The following SP7 variants were observed in gnomAD, a reference collection of about 807,000 sequenced individuals.
SP7 encodes the protein Sp7 transcription factor.
Under a neutral mutation model 27.9 loss-of-function variants are expected in SP7, and 13 were observed. That is an observed-to-expected ratio of 0.47 (90% confidence interval 0.30 to 0.74). SP7 has a LOEUF of 0.74. Ranked by LOEUF, SP7 falls within the 30% of genes least tolerant of loss-of-function variation. The probability of loss-of-function intolerance (pLI) is 0.06; values close to 1 mark genes in which losing one functional copy is unlikely to be tolerated. For missense variants in SP7, 525 were observed against 558.0 expected (o/e 0.94, Z 0.60); for synonymous variants, 219 against 226.7 (o/e 0.97, Z 0.31).
chr12:53,341,864 T>C (rs1944825320), intron 1 of SP7, among the ~76,000 whole-genome samples: 1 of 151,998 alleles, frequency 6.6e-6, no homozygotes, highest in Non-Finnish European at 1.5e-5. Flanking sequence ...ATCGAGACCA[T>C]CCTGGCTAAC....
chr12:53,335,811 G>A (rs1944763931), intron 1 of SP7, 118 bp from the exon 2 acceptor site: 2 of 1,416,114 alleles, frequency 1.4e-6, no homozygotes, highest in Non-Finnish European at 1.8e-6. Context: ...CTCTCTGTCT[G>A]TAGGGATCCA....
chr12:53,336,580 CATGA>C (rs1400243670), upstream of SP7, among the ~76,000 whole-genome samples: 3 of 152,094 alleles, frequency 2.0e-5, no homozygotes, highest in Non-Finnish European at 4.4e-5. Context: ...CAGCCACTAT[CATGA>C]ATGAACACAG....
In SP7 at chr12:53,329,225, C is replaced by T. The variant is rs778362698; in HGVS notation, c.217G>A (p.Gly73Arg). The T allele has an allele frequency of 7.4e-6, 12 of 1,613,608 alleles. No homozygotes were observed. The highest frequency in any genetic ancestry group is 1.1e-5 in the South Asian group (1 of 91,068). Residue 73 changes from glycine (G) to arginine (R), a missense_variant, in exon 3 of 3, where the codon GGG becomes AGG. Coordinates refer to ENST00000536324, the MANE Select transcript of SP7 (RefSeq NM_001173467.3). ...GGACTGCCTGCAGGTGAAAGGAGCC[C>T]ATTAGTGCTTGTAAAGGGGGCTGGA... ...AYPAPFTSTN[G>R]LLSPAGSPPA...
Position 53,328,883 on chromosome 12 carries a change from C to G in SP7, c.559G>C (p.Ala187Pro), listed in dbSNP as rs1258165160. The G allele has an allele frequency of 6.2e-7, 1 of 1,610,008 alleles. No homozygotes were observed. The highest frequency in any genetic ancestry group is 8.5e-7 in the Non-Finnish European group (1 of 1,177,144). Residue 187 changes from alanine to proline, a missense_variant, in exon 3 of 3, where the codon GCT becomes CCT. By Grantham distance (27) the Ala-to-Pro change is conservative. Transcript: ENST00000536324. The surrounding 1 kb of genome is among the most constrained non-coding windows in gnomAD (Gnocchi z 5.1). ...AGCTGGGGGTTCAGTGGAGGCTGAG[C>G]TGGACCTGTGGGCAGTGTCCCTTGC... is the stretch of plus-strand genomic sequence containing the variant. Reference protein sequence around the residue: ...GLQGTLPTGPAQPPLNPQLPT... With the variant: ...GLQGTLPTGPPQPPLNPQLPT...
In SP7 at chr12:53,326,961, C is replaced by G. The variant is rs1417331923; in HGVS notation, c.*1185G>C. ...TATTTGAATCTGATCCTAGAGAAAG[C>G]CTTCCCCACCCATTCTTCAGGAGGT... On this transcript the variant is annotated 3_prime_UTR_variant, in exon 3 of 3. Coordinates refer to ENST00000536324, the MANE Select transcript of SP7 (RefSeq NM_001173467.3). 6.6e-6 allele frequency: 1 copy of G among 152,184 alleles called. No individual in the cohort carries two copies. Among genetic ancestry groups the G allele is most frequent in the African/African-American group, 2.4e-5 (1 of 41,424 alleles). 9.4% of individuals were successfully genotyped at this position (152,184 alleles called of 1,614,324 possible).
In SP7 at chr12:53,344,589, C is replaced by G. The variant is rs1422303036; in HGVS notation, c.-34+525G>C. 6.6e-6 allele frequency among the ~76,000 whole-genome samples: 1 copy of G among 152,308 alleles called. No individual in the cohort carries two copies. The highest frequency in any genetic ancestry group is 2.1e-4 in the South Asian group (1 of 4,828). Reference sequence around the variant, plus strand: ...CGCTGTTCAATGCCCCCATCCACCCCCACCTCGCGTGGACGTGTGAGGCAA... The same window carrying G: ...CGCTGTTCAATGCCCCCATCCACCCGCACCTCGCGTGGACGTGTGAGGCAA... On this transcript the variant is annotated intron_variant, in intron 1 of 1. Coordinates refer to the SP7 transcript ENST00000547755. The surrounding 1 kb of genome is among the most constrained non-coding windows in gnomAD (Gnocchi z 4.6).
In SP7 at chr12:53,335,335, A is replaced by G. The variant is rs1273672404; in HGVS notation, c.21+291T>C. 3.8e-5 allele frequency among the ~76,000 whole-genome samples: 5 copies of G among 129,902 alleles called. No individual in the cohort carries two copies. In the East Asian group the frequency reaches 1.1e-3, roughly 28 times the overall value. The allele number at this position is 129,902 out of a possible 152,430, so 85.2% of individuals were successfully genotyped here. On this transcript the variant is annotated intron_variant, in intron 2 of 2. Coordinates refer to ENST00000536324, the MANE Select transcript of SP7 (RefSeq NM_001173467.3). The stretch of plus-strand genomic sequence containing the variant: ...TTTCTCCATCGCTTTTCCACTCCTC[A>G]CAGTCAGTGTGCTTAGCTGACCTTA...
intron 1 of SP7, among the ~76,000 whole-genome samples, chr12:53,342,263 A>G (rs1221300787): frequency 1.3e-5 from 2 of 151,996 alleles, no homozygotes; most frequent in Non-Finnish European, 2.9e-5. Flanking sequence ...CTCCATTTAA[A>G]AAAAAAAAAA....
At chr12:53,343,383 C>T (rs920227507) in intron 1 of SP7, among the ~76,000 whole-genome samples, 1 of 152,048 alleles carries the variant, frequency 6.6e-6, no homozygotes, top group African/African-American at 2.4e-5. Flanking sequence ...TGAGAATACT[C>T]GTATATTAGA....
chr12:53,343,486 T>G (rs1020948418), intron 1 of SP7, among the ~76,000 whole-genome samples: 2 of 152,124 alleles, frequency 1.3e-5, no homozygotes, highest in Non-Finnish European at 2.9e-5. Flanking sequence ...CAAGCTTGGG[T>G]GAGCTATTTA....
At position 53,330,235 on chromosome 12, in the gene SP7, C is replaced by T. The variant is rs185204680; in HGVS notation, c.22-815G>A. On this transcript the variant is annotated intron_variant, in intron 2 of 2. Coordinates refer to ENST00000536324, the MANE Select transcript of SP7 (RefSeq NM_001173467.3). ...AGCTATTTTGTATTTTTAGTACAGA[C>T]GCAGTTTCACCATGTTGGCCAGGCT... Among the ~76,000 whole-genome samples the T allele has an allele frequency of 3.3e-3, 495 of 152,068 alleles. 1 individual carries two copies. Among genetic ancestry groups the T allele is most frequent in the Non-Finnish European group, 4.8e-3 (324 of 67,982 alleles).
chr12:53,328,768 G>T lies in SP7; in HGVS notation c.674C>A (p.Pro225His), dbSNP rs756553830. 1 of 1,602,246 alleles carries T rather than the reference G, an allele frequency of 6.2e-7. No individual in the cohort carries two copies. Among genetic ancestry groups the T allele is most frequent in the Non-Finnish European group, 8.5e-7 (1 of 1,171,306 alleles). Residue 225 changes from proline to histidine, a missense_variant, in exon 3 of 3, where the codon CCC (proline) becomes CAC (histidine). By Grantham distance (77) the Pro-to-His change is moderately conservative. Transcript: ENST00000536324. The surrounding 1 kb of genome is among the most constrained non-coding windows in gnomAD (Gnocchi z 5.1). ...LLQPGPQHVLPQDVYKPKAVG... is the reference protein window; with the variant it reads ...LLQPGPQHVLHQDVYKPKAVG... ...TGCCTTGGGTTTATAGACATCTTGG[G>T]GCAAGACATGCTGGGGCCCTGGTTG...
chr12:53,342,364 ACATTCTTT>A (rs1944831611), intron 1 of SP7, among the ~76,000 whole-genome samples: 1 of 152,240 alleles, frequency 6.6e-6, no homozygotes, highest in Non-Finnish European at 1.5e-5. Context: ...AACTTAAAGA[ACATTCTTT>A]CATTCAACAA....
chr12:53,342,045 G>A (rs1301114126), intron 1 of SP7, among the ~76,000 whole-genome samples: 6 of 139,306 alleles, frequency 4.3e-5, no homozygotes, highest in Non-Finnish European at 7.7e-5. Context: ...GCGACAGAGC[G>A]AGACTCCGTC....
Position 53,327,740 on chromosome 12 carries a change from TG to T in SP7, c.*405del, listed in dbSNP as rs1265354116. 4.0e-5 allele frequency: 8 copies of T among 198,856 alleles called. No homozygotes were observed. The highest frequency in any genetic ancestry group is 8.1e-5 in the Non-Finnish European group (8 of 98,248). The allele number at this position is 198,856 out of a possible 1,614,324, so 12.3% of individuals were successfully genotyped here. A position where few individuals can be genotyped will look rare whatever the true frequency, so the allele number is the denominator to read the frequency against. On this transcript the variant is annotated 3_prime_UTR_variant, in exon 3 of 3. Transcript: ENST00000536324. Reference sequence around the variant, plus strand: ...AATGGAAAGCAATGGTGTAAGAAGTTGGGAAGACTGAAGCCTGGAGGCTGAG... The same window carrying T: ...AATGGAAAGCAATGGTGTAAGAAGTTGGAAGACTGAAGCCTGGAGGCTGAG...
chr12:53,329,408 A>G lies in SP7; in HGVS notation c.34T>C (p.Tyr12His). The G allele has an allele frequency of 6.2e-7, 1 of 1,613,840 alleles. No homozygotes were observed. The highest frequency in any genetic ancestry group is 8.5e-7 in the Non-Finnish European group (1 of 1,179,750). ...ASSLLEEEVH[Y>H]GSSPLAMLTA... Reference sequence around the variant, plus strand: ...AGCATGGCCAGGGGACTGGAGCCATAGTGAACTTCCTCCTGTGGAAAGAGG... The same window carrying G: ...AGCATGGCCAGGGGACTGGAGCCATGGTGAACTTCCTCCTGTGGAAAGAGG... The change falls in exon 3 of 3, where the codon TAT (tyrosine) becomes CAT (histidine). Residue 12 changes from tyrosine (Y) to histidine (H), a missense_variant. Tyr to His is a moderately conservative substitution (Grantham distance 83). Transcript: ENST00000536324.
chr12:53,337,310 T>C (rs1944781651), upstream of SP7, among the ~76,000 whole-genome samples: 1 of 152,108 alleles, frequency 6.6e-6, no homozygotes, highest in African/African-American at 2.4e-5. Flanking sequence ...TAGAACTTAA[T>C]AAGGACTTCC....
chr12:53,329,040 G>A lies in SP7; in HGVS notation c.402C>T (p.Pro134=). 3.1e-6 allele frequency: 5 copies of A among 1,613,868 alleles called. No homozygotes were observed. Among genetic ancestry groups the A allele is most frequent in the Non-Finnish European group, 4.2e-6 (5 of 1,179,864 alleles). The change falls in exon 3 of 3, where the codon CCC becomes CCT. Residue 134 remains proline, a synonymous_variant. Transcript: ENST00000536324. ...SVYTSLDMTH[P]YGSWYKAGIH... is the part of the protein sequence containing the mutation. ...TGCCTGCCTTGTACCAGGAGCCATA[G>A]GGGTGTGTCATGTCCAGAGAGGTGT... is the stretch of plus-strand genomic sequence containing the variant.
At chr12:53,332,755 A>C (rs1461659318) in intron 2 of SP7, among the ~76,000 whole-genome samples, 1 of 152,126 alleles carries the variant, frequency 6.6e-6, no homozygotes, top group Non-Finnish European at 1.5e-5. Flanking sequence ...AGGAGGAGGA[A>C]GAAGGCGGCC....
Sources: allele counts gnomAD v4.1 joint callset (sites outside exome capture counted in the v4.1 genomes callset), GRCh38; gene constraint gnomAD v4.1.1; non-coding constraint Gnocchi (gnomAD v3.1); transcripts MANE v1.5; gene names NCBI Gene and HGNC (gene_info 2026-07-23, HGNC 2026-07-21).